Variants in HTR7 observed in about 807,000 individuals in gnomAD.
HTR7 encodes 5-hydroxytryptamine receptor 7.
A neutral mutation model predicts 34.0 loss-of-function variants in HTR7; 16 were observed. The observed-to-expected ratio is 0.47, with a 90% confidence interval of 0.32 to 0.71. HTR7 has a LOEUF of 0.71. Ranked by LOEUF, HTR7 falls within the 30% of genes least tolerant of loss-of-function variation. The pLI, the probability that HTR7 is intolerant of heterozygous loss-of-function variation, is 0.04. For synonymous variants in HTR7, 265 were observed against 260.2 expected (o/e 1.02, Z -0.18); for missense variants, 504 against 625.5 (o/e 0.81, Z 2.07).
chr10:90,795,118 T>C (rs1387383096), intron 1 of HTR7, among the ~76,000 whole-genome samples: 2 of 152,258 alleles, frequency 1.3e-5, no homozygotes, highest in Admixed American at 6.5e-5. Context: ...GCAATGAACA[T>C]GAGATTGCAG....
intron 1 of HTR7, among the ~76,000 whole-genome samples, chr10:90,820,543 C>G (rs1368219421): frequency 1.3e-5 from 2 of 152,120 alleles, no homozygotes; most frequent in Admixed American, 6.5e-5. Context: ...ATCAAAAGAA[C>G]TAAAAATGAG....
intron 1 of HTR7, among the ~76,000 whole-genome samples, chr10:90,809,911 C>T (rs1046386803): frequency 6.6e-6 from 1 of 152,240 alleles, no homozygotes; most frequent in Non-Finnish European, 1.5e-5. Context: ...ACTGCCTGAT[C>T]ACCTCGGAAG....
chr10:90,817,921 A>C (rs1845921362), intron 1 of HTR7, among the ~76,000 whole-genome samples: 1 of 152,270 alleles, frequency 6.6e-6, no homozygotes, highest in South Asian at 2.1e-4. Flanking sequence ...TGCAATATCC[A>C]TGAACCTCAA....
intron 1 of HTR7, among the ~76,000 whole-genome samples, chr10:90,750,003 G>T (rs919903048): frequency 1.3e-5 from 2 of 152,124 alleles, no homozygotes; most frequent in African/African-American, 4.8e-5. Context: ...CCACACTCTG[G>T]TATTATACAC....
At chr10:90,763,341 A>G (rs1224326946) in intron 1 of HTR7, among the ~76,000 whole-genome samples, 1 of 152,168 alleles carries the variant, frequency 6.6e-6, no homozygotes, top group Non-Finnish European at 1.5e-5. Flanking sequence ...AGTACCTAAC[A>G]TCTTTCACCT....
chr10:90,846,126 C>G (rs1411608962), intron 1 of HTR7, among the ~76,000 whole-genome samples: 1 of 152,156 alleles, frequency 6.6e-6, no homozygotes, highest in Non-Finnish European at 1.5e-5. Flanking sequence ...TGTGCATATA[C>G]ATAATAAAAT....
At position 90,749,519 on chromosome 10, in the gene HTR7, G is replaced by A. The variant is rs773066586; in HGVS notation, c.615C>T (p.Ser205=). ...TGATGGAGGCGGAGAGAAGCCAGACGGAGAGAATCATCTTCGCCATGCATT... is the reference window on the plus strand; with the variant it reads ...TGATGGAGGCGGAGAGAAGCCAGACAGAGAGAATCATCTTCGCCATGCATT... ...NGKCMAKMIL[S]VWLLSASITL... The change falls in exon 2 of 4, where the codon TCC becomes TCT. Residue 205 remains serine, a synonymous_variant. Transcript: ENST00000336152. This position sits in a 1 kb window ranked among gnomAD's most constrained non-coding sequence, Gnocchi z 4.2. 9.2e-5 allele frequency: 148 copies of A among 1,613,990 alleles called. No individual in the cohort carries two copies. The highest frequency in any genetic ancestry group is 1.1e-4 in the Non-Finnish European group (132 of 1,180,004).
intron 1 of HTR7, among the ~76,000 whole-genome samples, chr10:90,846,379 G>A (rs1168001859): frequency 6.6e-6 from 1 of 152,178 alleles, no homozygotes; most frequent in African/African-American, 2.4e-5. Flanking sequence ...GATCAGGGAT[G>A]CCCAATTTGT....
intron 1 of HTR7, among the ~76,000 whole-genome samples, chr10:90,799,368 TGAA>T (rs1845590956): frequency 6.6e-6 from 1 of 151,536 alleles, no homozygotes; most frequent in Non-Finnish European, 1.5e-5. Context: ...AATGAATGAA[TGAA>T]TGAATGAATG....
At chr10:90,822,211 A>G (rs1348100088) in intron 1 of HTR7, among the ~76,000 whole-genome samples, 1 of 152,234 alleles carries the variant, frequency 6.6e-6, no homozygotes, top group Non-Finnish European at 1.5e-5. Flanking sequence ...AGACTTGTTA[A>G]ATTGTTGTGA....
chr10:90,781,396 C>G (rs930552833), intron 1 of HTR7, among the ~76,000 whole-genome samples: 1 of 152,114 alleles, frequency 6.6e-6, no homozygotes, highest in Non-Finnish European at 1.5e-5. Context: ...TAAAGTTTTA[C>G]TTTTAAATAA....
chr10:90,841,821 G>A (rs1305723182), intron 1 of HTR7, among the ~76,000 whole-genome samples: 1 of 152,088 alleles, frequency 6.6e-6, no homozygotes, highest in African/African-American at 2.4e-5. Context: ...CCATCATGGT[G>A]AAAACTCATC....
At position 90,857,604 on chromosome 10, in the gene HTR7, T is replaced by G; in HGVS notation, c.68A>C (p.Glu23Ala). ...CAAGTCGGGCAGCCCGCGCCCCACT[T>G]CTGGCAGAAGGAAAGAGCGGAGGTG... ...YGHLRSFLLP[E>A]VGRGLPDLSP... Residue 23 changes from glutamate to alanine, a missense_variant, in exon 1 of 4, where the codon GAA (glutamate) becomes GCA (alanine). Glu to Ala is a moderately radical substitution (Grantham distance 107). Transcript: ENST00000336152. This position sits in a 1 kb window ranked among gnomAD's most constrained non-coding sequence, Gnocchi z 6.5. 6.3e-7 allele frequency: 1 copy of G among 1,599,646 alleles called. No homozygotes were observed. The highest frequency in any genetic ancestry group is 8.5e-7 in the Non-Finnish European group (1 of 1,175,288).
intron 1 of HTR7, among the ~76,000 whole-genome samples, chr10:90,807,111 T>A (rs140444370): frequency 6.6e-6 from 1 of 152,348 alleles, no homozygotes; most frequent in East Asian, 1.9e-4. Context: ...GTATCTTGCA[T>A]TTTAAATACG....
chr10:90,819,203 G>T (rs1460691079), intron 1 of HTR7, among the ~76,000 whole-genome samples: 1 of 152,162 alleles, frequency 6.6e-6, no homozygotes, highest in Non-Finnish European at 1.5e-5. Flanking sequence ...ACTGAATTGT[G>T]TTGATAGATA....
intron 1 of HTR7, among the ~76,000 whole-genome samples, chr10:90,765,191 T>C (rs1845002337): frequency 6.6e-6 from 1 of 152,180 alleles, no homozygotes; most frequent in African/African-American, 2.4e-5. Flanking sequence ...TTTTTTATTA[T>C]TGATTCAATT....
chr10:90,851,913 T>G (rs1042986063), intron 1 of HTR7, among the ~76,000 whole-genome samples: 1 of 152,172 alleles, frequency 6.6e-6, no homozygotes, highest in Non-Finnish European at 1.5e-5. Flanking sequence ...ATGAAAGACA[T>G]GTCTTGCTTC....
chr10:90,857,015 G>T lies in HTR7; in HGVS notation c.539+118C>A. ...GATTGGGGGGAGCGGTGTTTTAAGC[G>T]CAGCCCTTCATCCCGCCTTGAAGTC... On this transcript the variant is annotated intron_variant, in intron 1 of 3. Transcript: ENST00000336152. This position sits in a 1 kb window ranked among gnomAD's most constrained non-coding sequence, Gnocchi z 6.5. The T allele has an allele frequency of 2.1e-6, 2 of 943,598 alleles. No individual in the cohort carries two copies. The highest frequency in any genetic ancestry group is 3.1e-6 in the Non-Finnish European group (2 of 639,166). 58.5% of individuals were successfully genotyped at this position (943,598 alleles called of 1,614,324 possible). A position where few individuals can be genotyped will look rare whatever the true frequency, so the allele number is the denominator to read the frequency against.
At chr10:90,833,281 T>C (rs1186284197) in intron 1 of HTR7, among the ~76,000 whole-genome samples, 1 of 152,214 alleles carries the variant, frequency 6.6e-6, no homozygotes, top group African/African-American at 2.4e-5. Flanking sequence ...GATATGTTAT[T>C]TGATTTTTAT....
Sources: gnomAD v4.1 joint callset for allele counts (sites outside exome capture counted in the v4.1 genomes callset) on GRCh38, gnomAD v4.1.1 for gene constraint, Gnocchi (gnomAD v3.1) non-coding constraint, MANE v1.5 for transcripts, NCBI Gene and HGNC (gene_info 2026-07-23, HGNC 2026-07-21) for gene names.